Variants in TRPM3 observed in about 807,000 individuals in gnomAD.
TRPM3 encodes transient receptor potential cation channel subfamily M member 3.
In TRPM3, 77 loss-of-function variants were observed where a neutral mutation model predicts 181.2. The ratio of observed to expected loss-of-function variants is 0.42; its 90% CI spans 0.35 to 0.51. The LOEUF is 0.51. Ranked by LOEUF, TRPM3 falls within the 20% of genes least tolerant of loss-of-function variation. The probability of loss-of-function intolerance (pLI) is 0.01; values close to 1 mark genes in which losing one functional copy is unlikely to be tolerated. For synonymous variants in TRPM3, 745 were observed against 796.4 expected (o/e 0.94, Z 1.09); for missense variants, 1,759 against 2,196.7 (o/e 0.80, Z 3.98).
chr9:70,563,239 G>A (rs905423765), intron 22 of TRPM3, among the ~76,000 whole-genome samples: 4 of 152,184 alleles, frequency 2.6e-5, no homozygotes, highest in African/African-American at 7.2e-5. Context: ...GTGATAGCCC[G>A]CTGACCTCCT....
At chr9:71,356,574 G>T (rs900278516) in intron 1 of TRPM3, among the ~76,000 whole-genome samples, 1 of 152,112 alleles carries the variant, frequency 6.6e-6, no homozygotes, top group African/African-American at 2.4e-5. Context: ...TTTAACAACT[G>T]TAAAAATGGG....
At chr9:70,935,550 T>C (rs1234976822) in intron 1 of TRPM3, among the ~76,000 whole-genome samples, 2 of 152,184 alleles carry the variant, frequency 1.3e-5, no homozygotes, top group Non-Finnish European at 2.9e-5. Context: ...AGCCTTTTGT[T>C]TGTACACACC....
At chr9:71,258,493 CAT>C (rs1440882311) in intron 1 of TRPM3, among the ~76,000 whole-genome samples, 2 of 152,116 alleles carry the variant, frequency 1.3e-5, no homozygotes, top group Non-Finnish European at 1.5e-5. Flanking sequence ...TCTTGTATCT[CAT>C]ATTATTTTCC....
chr9:71,282,093 G>GAAA (rs2084773333), intron 1 of TRPM3, among the ~76,000 whole-genome samples: 13 of 82,736 alleles, frequency 1.6e-4, no homozygotes, highest in East Asian at 3.7e-4. Flanking sequence ...AAGAAAGAGA[G>GAAA]AAAGAAAGAA....
intron 1 of TRPM3, among the ~76,000 whole-genome samples, chr9:70,921,292 A>G (rs563369952): frequency 2.0e-5 from 3 of 152,342 alleles, no homozygotes; most frequent in Admixed American, 6.5e-5. Flanking sequence ...CCTTTAGATT[A>G]AAGGGTAATA....
intron 1 of TRPM3, among the ~76,000 whole-genome samples, chr9:70,878,856 C>T (rs2095924430): frequency 6.6e-6 from 1 of 151,994 alleles, no homozygotes; most frequent in African/African-American, 2.4e-5. Context: ...TGGATCTGCA[C>T]CTACACGTTA....
At chr9:70,781,508 T>G (rs1037298349) in intron 7 of TRPM3, among the ~76,000 whole-genome samples, 17 of 151,772 alleles carry the variant, frequency 1.1e-4, no homozygotes, top group Non-Finnish European at 2.5e-4. Flanking sequence ...CCAATAGTAA[T>G]AATAATAATA....
At chr9:71,126,109 A>G (rs954605386), upstream of TRPM3, among the ~76,000 whole-genome samples, 61 of 152,228 alleles carry the variant, frequency 4.0e-4, 1 homozygote, top group Non-Finnish European at 4.7e-4. Context: ...CAGCCAACAA[A>G]CATATGGAAA....
intron 24 of TRPM3, 99 bp downstream of exon 24, chr9:70,552,745 G>A (rs1201447536): frequency 8.8e-6 from 11 of 1,245,602 alleles, no homozygotes; most frequent in Non-Finnish European, 1.3e-5. Context: ...CCTGCAAGAG[G>A]TAGGAGGAAC....
In TRPM3 at chr9:70,535,146, C is replaced by T. The variant is rs1224668776; in HGVS notation, c.*807G>A. On this transcript the variant is annotated 3_prime_UTR_variant, in exon 26 of 26. Coordinates refer to ENST00000677713, the MANE Select transcript of TRPM3 (RefSeq NM_001366145.2). ...TATAAAATTATTTAATTACATTCTC[C>T]TGAGCTTGCTCGACTAGACTTGAAC... 6.0e-6 allele frequency: 2 copies of T among 335,234 alleles called. No individual in the cohort carries two copies. The highest frequency in any genetic ancestry group is 4.3e-5 in the African/African-American group (2 of 46,992). 20.8% of individuals were successfully genotyped at this position (335,234 alleles called of 1,614,324 possible). A position where few individuals can be genotyped will look rare whatever the true frequency, so the allele number is the denominator to read the frequency against.
At chr9:70,877,409 C>T (rs374595111) in intron 1 of TRPM3, among the ~76,000 whole-genome samples, 2 of 152,036 alleles carry the variant, frequency 1.3e-5, no homozygotes, top group East Asian at 1.9e-4. Flanking sequence ...CACAAATATT[C>T]ATAACCTGGG....
At chr9:70,959,879 C>T (rs1479476670) in intron 1 of TRPM3, among the ~76,000 whole-genome samples, 1 of 152,160 alleles carries the variant, frequency 6.6e-6, no homozygotes, top group South Asian at 2.1e-4. Flanking sequence ...TCCATGTTAT[C>T]AAGCCTTAGC....
intron 1 of TRPM3, among the ~76,000 whole-genome samples, chr9:71,319,394 TC>T (rs2088975214): frequency 2.0e-5 from 3 of 152,174 alleles, no homozygotes; most frequent in East Asian, 3.9e-4. Flanking sequence ...TAAGTCCCAA[TC>T]CCAATATCAA....
At chr9:71,404,934 G>T (rs2093409069) in intron 1 of TRPM3, among the ~76,000 whole-genome samples, 1 of 152,130 alleles carries the variant, frequency 6.6e-6, no homozygotes, top group Non-Finnish European at 1.5e-5. Flanking sequence ...AGTATGCATT[G>T]TAAGGTCCTC....
At chr9:70,608,002 A>T (rs979313029) in intron 19 of TRPM3, among the ~76,000 whole-genome samples, 4 of 152,228 alleles carry the variant, frequency 2.6e-5, no homozygotes, top group Non-Finnish European at 4.4e-5. Flanking sequence ...TGTGAACTAT[A>T]ACAAATGAAG....
At chr9:70,944,062 C>T (rs1170203295) in intron 1 of TRPM3, among the ~76,000 whole-genome samples, 2 of 152,176 alleles carry the variant, frequency 1.3e-5, no homozygotes, top group African/African-American at 2.4e-5. Context: ...GAACTACAGG[C>T]GTGAGCCACC....
At chr9:70,869,896 G>C (rs993771437) in intron 1 of TRPM3, among the ~76,000 whole-genome samples, 1 of 152,052 alleles carries the variant, frequency 6.6e-6, no homozygotes, top group Non-Finnish European at 1.5e-5. Context: ...TCATCCAAGA[G>C]TGAATATTTT....
chr9:71,014,838 G>T (rs1158918638), intron 1 of TRPM3, among the ~76,000 whole-genome samples: 1 of 151,802 alleles, frequency 6.6e-6, no homozygotes, highest in Non-Finnish European at 1.5e-5. Context: ...ACATTTATGG[G>T]GATAGCTTAT....
intron 22 of TRPM3, among the ~76,000 whole-genome samples, chr9:70,572,151 T>C (rs151088923): frequency 0.015 from 2,335 of 151,014 alleles, 53 homozygotes; most frequent in African/African-American, 0.054. Context: ...TCCCACATGA[T>C]GGTGATTTTA....
Sources: gnomAD v4.1 joint callset for allele counts (sites outside exome capture counted in the v4.1 genomes callset) on GRCh38, gnomAD v4.1.1 for gene constraint, MANE v1.5 for transcripts, NCBI Gene and HGNC (gene_info 2026-07-23, HGNC 2026-07-21) for gene names.